Variants in TFDP2 observed in about 807,000 individuals in gnomAD.
The protein encoded by TFDP2 is transcription factor Dp-2 (E2F dimerization partner 2).
TFDP2 carries 17 observed loss-of-function variants against 59.3 expected under a neutral mutation model. The ratio of observed to expected loss-of-function variants is 0.29; its 90% CI spans 0.20 to 0.43. The LOEUF (loss-of-function observed/expected upper bound fraction) is 0.43, where lower values mean the gene tolerates loss of function less well. Among genes scored for constraint, TFDP2 ranks in the 20% least tolerant of loss-of-function variants. The pLI is 1.00. For missense variants in TFDP2, 391 were observed against 528.8 expected (o/e 0.74, Z 2.56); for synonymous variants, 180 against 194.7 (o/e 0.92, Z 0.63).
chr3:142,103,526 A>G (rs1269092040), intron 1 of TFDP2, among the ~76,000 whole-genome samples: 1 of 152,156 alleles, frequency 6.6e-6, no homozygotes, highest in Non-Finnish European at 1.5e-5. Flanking sequence ...TATAAAAAAT[A>G]CACTAAAATA....
chr3:142,079,010 C>T (rs1705627), intron 3 of TFDP2, among the ~76,000 whole-genome samples: 134,944 of 151,632 alleles, frequency 0.89, 60,296 homozygotes, highest in African/African-American at 0.97. Context: ...GCAACTGACA[C>T]GATGAAAAAT....
chr3:141,966,001 G>GT (rs35078666), intron 9 of TFDP2, among the ~76,000 whole-genome samples: 17,694 of 151,716 alleles, frequency 0.12, 1,295 homozygotes, highest in East Asian at 0.18. Flanking sequence ...GCCTAACTTG[G>GT]TGTCTGTCCC....
chr3:142,034,569 A>C (rs1478600550), intron 3 of TFDP2, among the ~76,000 whole-genome samples: 1 of 152,236 alleles, frequency 6.6e-6, no homozygotes, highest in East Asian at 1.9e-4. Flanking sequence ...CCAACTGCTC[A>C]AATGAACTGC....
chr3:141,982,313 C>T (rs917906606), intron 6 of TFDP2, among the ~76,000 whole-genome samples: 1 of 151,924 alleles, frequency 6.6e-6, no homozygotes, highest in African/African-American at 2.4e-5. Context: ...ATTATATAGC[C>T]AGGAAAAGAA....
intron 1 of TFDP2, among the ~76,000 whole-genome samples, chr3:142,112,803 G>A (rs993340949): frequency 2.0e-5 from 3 of 152,064 alleles, no homozygotes; most frequent in East Asian, 1.9e-4. Context: ...CTACAGGCAC[G>A]TGCCACCACA....
chr3:142,065,446 A>C (rs1179561770), intron 3 of TFDP2, among the ~76,000 whole-genome samples: 3 of 151,914 alleles, frequency 2.0e-5, no homozygotes, highest in Admixed American at 6.6e-5. Context: ...GTGTAATTTT[A>C]GTTATCCTAA....
At chr3:142,071,203 C>T (rs1210670839) in intron 3 of TFDP2, among the ~76,000 whole-genome samples, 3 of 151,562 alleles carry the variant, frequency 2.0e-5, no homozygotes, top group Non-Finnish European at 4.4e-5. Context: ...GTCACCCAGG[C>T]TGAAGTGCAG....
At chr3:142,106,769 G>A (rs1452106002) in intron 1 of TFDP2, among the ~76,000 whole-genome samples, 1 of 152,174 alleles carries the variant, frequency 6.6e-6, no homozygotes, top group Non-Finnish European at 1.5e-5. Flanking sequence ...CATCTGCCAT[G>A]ATCTCGTCAG....
intron 9 of TFDP2, among the ~76,000 whole-genome samples, chr3:141,969,090 ACATATAT>A (rs1939117143): frequency 1.7e-5 from 1 of 58,368 alleles, no homozygotes. Context: ...TATATATATA[ACATATAT>A]ATATATCTCA....
chr3:142,143,992 G>A (rs918807280), intron 1 of TFDP2, among the ~76,000 whole-genome samples: 1 of 148,818 alleles, frequency 6.7e-6, no homozygotes. Context: ...CTAAGATTTG[G>A]AAGCAACCTA....
rs574048323 is a variant in TFDP2 at position 141,969,494 on chromosome 3, T to C, written c.732+579A>G. Among the ~76,000 whole-genome samples, 3 of 151,294 alleles carry C rather than the reference T, an allele frequency of 2.0e-5. No individual in the cohort carries two copies. In the East Asian group the frequency reaches 5.9e-4, roughly 30 times the overall value. On this transcript the variant is annotated intron_variant, in intron 9 of 12. Transcript: ENST00000489671. ...CAGGCATGGTGGCGGGTACTTGTAA[T>C]CCCAGCTACTTGGGAGGCTGAGGCA...
intron 3 of TFDP2, among the ~76,000 whole-genome samples, chr3:142,024,344 TACA>T (rs1348768626): frequency 6.6e-6 from 1 of 152,160 alleles, no homozygotes; most frequent in Non-Finnish European, 1.5e-5. Context: ...ACAACATAAT[TACA>T]TGACAGGTTC....
At chr3:142,105,939 C>T (rs182369812) in intron 1 of TFDP2, among the ~76,000 whole-genome samples, 1 of 142,552 alleles carries the variant, frequency 7.0e-6, no homozygotes, top group East Asian at 2.1e-4. Flanking sequence ...CACTGCCTAG[C>T]ACAAGTTAAG....
chr3:141,990,664 G>A lies in TFDP2; in HGVS notation c.356+2874C>T, dbSNP rs114825687. On this transcript the variant is annotated intron_variant, in intron 6 of 12. Transcript: ENST00000489671. ...TTACATCCTGTGGCCAAATTTTGAC[G>A]TTATTTGGAAAGAGAGGGTCTTGGT... 6.0e-3 allele frequency among the ~76,000 whole-genome samples: 917 copies of A among 152,190 alleles called. 16 individuals are homozygous for A. The highest frequency in any genetic ancestry group is 0.02 in the African/African-American group (810 of 41,526).
chr3:142,089,248 T>C (rs1435735544), intron 3 of TFDP2, among the ~76,000 whole-genome samples: 1 of 146,964 alleles, frequency 6.8e-6, no homozygotes, highest in Non-Finnish European at 1.5e-5. Flanking sequence ...AAAAAAAACA[T>C]AAAGAACCCA....
chr3:141,960,814 C>T (rs948111854), intron 10 of TFDP2, among the ~76,000 whole-genome samples: 3 of 152,062 alleles, frequency 2.0e-5, no homozygotes, highest in Non-Finnish European at 4.4e-5. Flanking sequence ...AAAAGCAGAT[C>T]GTTTTGTAAA....
intron 7 of TFDP2, 128 bp downstream of exon 7, chr3:141,978,392 C>A: frequency 2.0e-6 from 2 of 987,492 alleles, no homozygotes; most frequent in South Asian, 2.6e-5. Context: ...TCAACAACAA[C>A]AAAAAATCCC....
At chr3:142,003,646 G>A (rs976226024) in intron 4 of TFDP2, among the ~76,000 whole-genome samples, 8 of 152,142 alleles carry the variant, frequency 5.3e-5, no homozygotes, top group Admixed American at 1.3e-4. Context: ...ACTCAGAACT[G>A]AAAAAAGGAC....
intron 3 of TFDP2, among the ~76,000 whole-genome samples, chr3:142,061,909 C>T (rs2059927465): frequency 6.8e-6 from 1 of 146,176 alleles, no homozygotes; most frequent in Non-Finnish European, 1.5e-5. Context: ...CACACACACA[C>T]ACACACACAC....
Sources: gnomAD v4.1 joint callset for allele counts (sites outside exome capture counted in the v4.1 genomes callset) on GRCh38, gnomAD v4.1.1 for gene constraint, MANE v1.5 for transcripts, NCBI Gene and HGNC (gene_info 2026-07-23, HGNC 2026-07-21) for gene names.